Variants in PLA2G5 observed in about 807,000 individuals in gnomAD.
PLA2G5 encodes phospholipase A2 group V.
In PLA2G5, 12 loss-of-function variants were observed where a neutral mutation model predicts 15.9. That is an observed-to-expected ratio of 0.76 (90% CI 0.48 to 1.23). PLA2G5 has a LOEUF of 1.23. PLA2G5 is among the 50% of genes most tolerant of loss of function. The probability of loss-of-function intolerance (pLI) is 0.00; values close to 1 mark genes in which losing one functional copy is unlikely to be tolerated. For synonymous variants in PLA2G5, 71 were observed against 71.4 expected (o/e 0.99, Z 0.03); for missense variants, 169 against 177.1 (o/e 0.95, Z 0.26).
rs2020887 is a variant in PLA2G5 at position 20,084,839 on chromosome 1, C to T, written c.9C>T (p.Gly3=). The T allele has an allele frequency of 0.33, 532,074 of 1,602,812 alleles. 91,725 individuals are homozygous for T. Among genetic ancestry groups the T allele is most frequent in the Middle Eastern group, 0.37 (2,234 of 6,028 alleles). MK[G]LLPLAWFLAC... is the part of the protein sequence containing the mutation. The stretch of plus-strand genomic sequence containing the variant: ...TTTCCAGAACCCCAGAGATGAAAGG[C>T]CTCCTCCCACTGGCTTGGTTCCTGG... Residue 3 remains glycine, a synonymous_variant, in exon 2 of 5, where the codon GGC becomes GGT. Transcript: ENST00000375108.
intron 1 of PLA2G5, among the ~76,000 whole-genome samples, chr1:20,038,824 C>T (rs1197261608): frequency 6.6e-6 from 1 of 152,132 alleles, no homozygotes; most frequent in Admixed American, 6.5e-5. Flanking sequence ...AACTAAGTGG[C>T]CTAGACTGTA....
rs1295662360 is a variant in PLA2G5, at chr1:20,091,441, G to C, written c.*749G>C. 2.0e-5 allele frequency among the ~76,000 whole-genome samples: 3 copies of C among 152,174 alleles called. No homozygotes were observed. The highest frequency in any genetic ancestry group is 7.2e-5 in the African/African-American group (3 of 41,448). The stretch of plus-strand genomic sequence containing the variant: ...TTCAGCTTCCAGGCCAGAGAGGGTG[G>C]CATTCAAATCCCAGTGCTGGCTTCT... On this transcript the variant is annotated 3_prime_UTR_variant, in exon 5 of 5. Coordinates refer to ENST00000375108, the MANE Select transcript of PLA2G5 (RefSeq NM_000929.3).
intron 2 of PLA2G5, among the ~76,000 whole-genome samples, chr1:20,060,157 G>T (rs2014635600): frequency 1.3e-5 from 2 of 151,766 alleles, no homozygotes; most frequent in Middle Eastern, 3.4e-3. Flanking sequence ...TCAACCTACG[G>T]CACTGTAAAG....
chr1:20,068,640 G>A (rs375551033), upstream of PLA2G5, among the ~76,000 whole-genome samples: 14 of 151,860 alleles, frequency 9.2e-5, no homozygotes, highest in Middle Eastern at 0.01. Flanking sequence ...TAGTAGAGAC[G>A]GGGTTTCTCC....
intron 1 of PLA2G5, chr1:20,070,853 T>G (rs1033672529): frequency 1.3e-5 from 2 of 152,208 alleles, no homozygotes; most frequent in Non-Finnish European, 2.9e-5. Flanking sequence ...AGGGAGAGAA[T>G]TCGCCGACAT....
At chr1:20,078,873 C>T (rs758356345) in intron 1 of PLA2G5, among the ~76,000 whole-genome samples, 3 of 151,902 alleles carry the variant, frequency 2.0e-5, no homozygotes, top group Admixed American at 6.6e-5. Context: ...TTGGGAGGCA[C>T]GGGTGAGAGG....
intron 1 of PLA2G5, among the ~76,000 whole-genome samples, chr1:20,078,570 C>T (rs1457781620): frequency 1.3e-5 from 2 of 152,178 alleles, no homozygotes; most frequent in African/African-American, 4.8e-5. Flanking sequence ...ACAAGGGCAG[C>T]TCTGTGAAGG....
chr1:20,088,679 TAC>T (rs1284668933), intron 3 of PLA2G5: 1 of 153,720 alleles, frequency 6.5e-6, no homozygotes, highest in Non-Finnish European at 1.5e-5. Context: ...ACACCTAACA[TAC>T]AGTCATCCCT....
intron 1 of PLA2G5, 48 bp from the exon 2 acceptor site, chr1:20,084,772 CG>C: frequency 2.3e-6 from 3 of 1,296,810 alleles, no homozygotes; most frequent in Non-Finnish European, 3.4e-6. Context: ...GAATGGGCCA[CG>C]GGGGCATTGC....
chr1:20,091,489 G>A lies in PLA2G5; in HGVS notation c.*797G>A, dbSNP rs376869369. On this transcript the variant is annotated 3_prime_UTR_variant, in exon 5 of 5. Coordinates refer to ENST00000375108, the MANE Select transcript of PLA2G5 (RefSeq NM_000929.3). ...TCTTCAGCTGTGTGGTCTTGGACCC[G>A]TTACTGAACCTCTTTGACTTTCAGT... is the stretch of plus-strand genomic sequence containing the variant. Among the ~76,000 whole-genome samples the A allele has an allele frequency of 4.6e-5, 7 of 152,154 alleles. No individual in the cohort carries two copies. Among genetic ancestry groups the A allele is most frequent in the Admixed American group, 6.5e-5 (1 of 15,278 alleles).
Position 20,040,879 on chromosome 1 carries a change from T to A in PLA2G5, n.276+12170T>A, listed in dbSNP as rs554769707. On this transcript the variant is annotated intron_variant and non_coding_transcript_variant, in intron 1 of 6. Transcript: ENST00000460175. ...TCAAAGGAATACAACGATTTGTCTC[T>A]TATCTACCTAAGACCTGGAAGCCCC... Among the ~76,000 whole-genome samples, 39 of 152,298 alleles carry A rather than the reference T, an allele frequency of 2.6e-4. No individual in the cohort carries two copies. The South Asian group carries it at 5.0e-3, about 19-fold the overall frequency.
chr1:20,074,775 G>A (rs1404607331), intron 1 of PLA2G5, among the ~76,000 whole-genome samples: 7 of 152,318 alleles, frequency 4.6e-5, no homozygotes, highest in Admixed American at 1.3e-4. Flanking sequence ...TGCTTAGCGC[G>A]TCCGTGCCTG....
intron 2 of PLA2G5, 39 bp downstream of exon 2, chr1:20,084,909 C>T: frequency 6.9e-7 from 1 of 1,443,100 alleles, no homozygotes; most frequent in Non-Finnish European, 9.8e-7. Flanking sequence ...GAACTTTTAC[C>T]CCATGGGAGT....
At chr1:20,029,119 C>T (rs183081042) in intron 1 of PLA2G5, among the ~76,000 whole-genome samples, 2 of 152,276 alleles carry the variant, frequency 1.3e-5, no homozygotes, top group African/African-American at 2.4e-5. Context: ...CACACATGGG[C>T]TTGGAAAATG....
chr1:20,068,757 T>C, upstream of PLA2G5: 1 of 350,732 alleles, frequency 2.9e-6, no homozygotes, highest in South Asian at 2.5e-5. Flanking sequence ...GGCCAAAAGT[T>C]TTTATATTAT....
At chr1:20,089,143 C>A (rs1009459745) in intron 3 of PLA2G5, among the ~76,000 whole-genome samples, 2 of 152,150 alleles carry the variant, frequency 1.3e-5, no homozygotes, top group East Asian at 3.8e-4. Context: ...TTTATCGTAG[C>A]TGATGCAACG....
upstream of PLA2G5, among the ~76,000 whole-genome samples, chr1:20,067,546 G>C (rs371032153): frequency 1.7e-4 from 26 of 152,198 alleles, 1 homozygote; most frequent in South Asian, 5.4e-3. Flanking sequence ...AAATTAGCCA[G>C]GTGTGGTGGT....
chr1:20,073,341 G>T (rs146098299), intron 1 of PLA2G5, among the ~76,000 whole-genome samples: 1 of 152,164 alleles, frequency 6.6e-6, no homozygotes, highest in Non-Finnish European at 1.5e-5. Flanking sequence ...TGTGTGGATT[G>T]CCTTCTTAGC....
At chr1:20,082,305 C>T (rs558461721) in intron 1 of PLA2G5, among the ~76,000 whole-genome samples, 10 of 151,850 alleles carry the variant, frequency 6.6e-5, no homozygotes, top group East Asian at 1.9e-4. Flanking sequence ...GTGGGCTGTC[C>T]GCACGCTCAG....
Sources: allele counts gnomAD v4.1 joint callset (sites outside exome capture counted in the v4.1 genomes callset), GRCh38; gene constraint gnomAD v4.1.1; transcripts MANE v1.5; gene names NCBI Gene and HGNC (gene_info 2026-07-23, HGNC 2026-07-21).